The following TENM4 variants were observed in gnomAD, a reference collection of about 807,000 sequenced individuals.
TENM4 encodes teneurin transmembrane protein 4, also known as teneurin-4.
Under a neutral mutation model 243.3 loss-of-function variants are expected in TENM4, and 82 were observed. That is an observed-to-expected ratio of 0.34 (90% confidence interval 0.28 to 0.40). TENM4 has a LOEUF of 0.40. Among genes scored for constraint, TENM4 ranks in the 10% least tolerant of loss-of-function variants. The pLI is 1.00. For synonymous variants in TENM4, 1,412 were observed against 1,456.3 expected, an observed-to-expected ratio of 0.97 and a Z score of 0.69; for missense variants, 3,138 against 3,673.3, an observed-to-expected ratio of 0.85 and a Z score of 3.77.
intron 1 of TENM4, among the ~76,000 whole-genome samples, chr11:79,330,410 G>C (rs1857043206): frequency 6.6e-6 from 1 of 152,146 alleles, no homozygotes; most frequent in African/African-American, 2.4e-5. Flanking sequence ...TGAAAGGCAG[G>C]GGGCTAGGGG....
At chr11:78,973,819 C>T (rs1857595909) in intron 6 of TENM4, among the ~76,000 whole-genome samples, 1 of 151,468 alleles carries the variant, frequency 6.6e-6, no homozygotes. Context: ...AAGTTGATGG[C>T]ATGGGCGTGT....
chr11:79,201,792 C>T (rs1390343068), intron 3 of TENM4, among the ~76,000 whole-genome samples: 2 of 152,142 alleles, frequency 1.3e-5, no homozygotes, highest in Non-Finnish European at 2.9e-5. Flanking sequence ...GTAGGGTTTT[C>T]AGGTAAAGTG....
rs572477885 is a variant in TENM4, at chr11:79,266,116, C to A, written c.-265+31372G>T. Among the ~76,000 whole-genome samples, 7 of 152,294 alleles carry A rather than the reference C, an allele frequency of 4.6e-5. No homozygotes were observed. The East Asian group carries it at 1.4e-3, about 29-fold the overall frequency. On this transcript the variant is annotated intron_variant, in intron 2 of 33. Coordinates refer to ENST00000278550, the MANE Select transcript of TENM4 (RefSeq NM_001098816.3). ...CCAGGAATGACTGTGATCCTTTGACCAGCTGGCCTACGTCATAAGACTTAC... is the reference window on the plus strand; with the variant it reads ...CCAGGAATGACTGTGATCCTTTGACAAGCTGGCCTACGTCATAAGACTTAC...
At chr11:79,105,974 A>T (rs1201624386) in intron 4 of TENM4, among the ~76,000 whole-genome samples, 2 of 152,248 alleles carry the variant, frequency 1.3e-5, no homozygotes, top group Admixed American at 6.5e-5. Flanking sequence ...GAAATCTTAA[A>T]ATCAGAACCA....
chr11:79,140,417 T>G (rs1488031638), intron 4 of TENM4, among the ~76,000 whole-genome samples: 2 of 152,138 alleles, frequency 1.3e-5, no homozygotes, highest in Non-Finnish European at 2.9e-5. Flanking sequence ...GGATGTGTCC[T>G]AAGTAGATAT....
intron 18 of TENM4, among the ~76,000 whole-genome samples, chr11:78,763,031 A>G (rs1159567326): frequency 6.6e-6 from 1 of 152,230 alleles, no homozygotes; most frequent in Non-Finnish European, 1.5e-5. Flanking sequence ...TTAATTATAT[A>G]TCATACGTAA....
chr11:78,723,235 G>A (rs919090039), intron 23 of TENM4, among the ~76,000 whole-genome samples: 2 of 152,204 alleles, frequency 1.3e-5, no homozygotes, highest in African/African-American at 4.8e-5. Context: ...CCAGAGTCTG[G>A]GCGCTTAGCC....
chr11:78,880,159 A>G (rs1859393032), intron 9 of TENM4, among the ~76,000 whole-genome samples: 1 of 152,098 alleles, frequency 6.6e-6, no homozygotes, highest in African/African-American at 2.4e-5. Flanking sequence ...CTTACCCCCA[A>G]CCCCGTGCTC....
chr11:79,115,432 T>C (rs1191570928), intron 4 of TENM4, among the ~76,000 whole-genome samples: 2 of 152,222 alleles, frequency 1.3e-5, no homozygotes, highest in Non-Finnish European at 2.9e-5. Flanking sequence ...CCATTCCCAC[T>C]ACCATGGACT....
intron 4 of TENM4, among the ~76,000 whole-genome samples, chr11:79,126,721 G>C (rs892657731): frequency 3.9e-5 from 6 of 152,178 alleles, no homozygotes; most frequent in Non-Finnish European, 8.8e-5. Flanking sequence ...TCAATTTCCA[G>C]ACTTGTGCCA....
intron 26 of TENM4, among the ~76,000 whole-genome samples, chr11:78,709,664 T>C (rs1355323554): frequency 6.6e-6 from 1 of 152,194 alleles, no homozygotes; most frequent in African/African-American, 2.4e-5. Flanking sequence ...TGAGCTACTA[T>C]CTGCATTTTT....
At chr11:79,135,727 A>G (rs994633544) in intron 4 of TENM4, among the ~76,000 whole-genome samples, 16 of 88,586 alleles carry the variant, frequency 1.8e-4, no homozygotes, top group African/African-American at 6.7e-4. Context: ...GATCATACAT[A>G]TATGATATAT....
At chr11:78,698,083 T>A (rs1859009605) in intron 28 of TENM4, among the ~76,000 whole-genome samples, 1 of 152,174 alleles carries the variant, frequency 6.6e-6, no homozygotes, top group African/African-American at 2.4e-5. Flanking sequence ...TTTAATCTTT[T>A]AAGAGAATTG....
chr11:78,922,461 T>C (rs76887098), intron 6 of TENM4, among the ~76,000 whole-genome samples: 1 of 152,200 alleles, frequency 6.6e-6, no homozygotes, highest in Non-Finnish European at 1.5e-5. Context: ...CACACAGTGC[T>C]CTGTTTGCAA....
intron 12 of TENM4, among the ~76,000 whole-genome samples, chr11:78,817,042 ATAAT>A (rs1252082001): frequency 1.3e-5 from 2 of 152,154 alleles, no homozygotes; most frequent in African/African-American, 2.4e-5. Flanking sequence ...CTATGAGTCT[ATAAT>A]TAATTAAGAG....
chr11:78,671,577 A>C (rs1331572302), intron 31 of TENM4, among the ~76,000 whole-genome samples: 1 of 152,246 alleles, frequency 6.6e-6, no homozygotes, highest in East Asian at 1.9e-4. Context: ...CTGGGATGAC[A>C]TGAGTTCTGA....
At chr11:79,270,109 C>T (rs1000087311) in intron 2 of TENM4, among the ~76,000 whole-genome samples, 1 of 152,080 alleles carries the variant, frequency 6.6e-6, no homozygotes, top group African/African-American at 2.4e-5. Flanking sequence ...CTAGCACCAC[C>T]GTCCTTTCGC....
intron 19 of TENM4, among the ~76,000 whole-genome samples, chr11:78,747,137 T>C (rs1856067968): frequency 6.6e-6 from 1 of 151,728 alleles, no homozygotes; most frequent in Admixed American, 6.6e-5. Flanking sequence ...ATTCAAAGGA[T>C]GAGGGAGGAG....
intron 4 of TENM4, among the ~76,000 whole-genome samples, chr11:79,087,323 A>C (rs1448749945): frequency 6.6e-6 from 1 of 152,194 alleles, no homozygotes; most frequent in Non-Finnish European, 1.5e-5. Flanking sequence ...CAGACAAGGA[A>C]ATGATTAACT....
Sources: gnomAD v4.1 joint callset for allele counts (sites outside exome capture counted in the v4.1 genomes callset) on GRCh38, gnomAD v4.1.1 for gene constraint, MANE v1.5 for transcripts, NCBI Gene and HGNC (gene_info 2026-07-23, HGNC 2026-07-21) for gene names.